The following IGF2BP1 variants were observed in gnomAD, a reference collection of about 807,000 sequenced individuals.
IGF2BP1 encodes the protein insulin like growth factor 2 mRNA binding protein 1.
Under a neutral mutation model 74.9 loss-of-function variants are expected in IGF2BP1, and 11 were observed. That is an observed-to-expected ratio of 0.15 (90% CI 0.09 to 0.24). IGF2BP1 has a LOEUF of 0.24. IGF2BP1 is among the 10% of genes least tolerant of loss of function. The pLI is 1.00. For missense variants in IGF2BP1, 440 were observed against 757.4 expected (o/e 0.58, Z 4.92); for synonymous variants, 287 against 281.8 (o/e 1.02, Z -0.18).
chr17:49,037,436 CA>C (rs764858804), intron 5 of IGF2BP1: 23 of 370,740 alleles, frequency 6.2e-5, no homozygotes, highest in Non-Finnish European at 1.1e-4. Context: ...AGCCTGTAGG[CA>C]AATATTCAAA....
chr17:49,016,955 C>A (rs1389203593), intron 2 of IGF2BP1, among the ~76,000 whole-genome samples: 1 of 151,330 alleles, frequency 6.6e-6, no homozygotes, highest in African/African-American at 2.4e-5. Flanking sequence ...CTGAAGCGTG[C>A]CAGGTCCGCC....
chr17:48,997,028 A>G (rs887059594), upstream of IGF2BP1, among the ~76,000 whole-genome samples: 2 of 152,058 alleles, frequency 1.3e-5, no homozygotes, highest in East Asian at 3.9e-4. The surrounding 1 kb of genome is among the most constrained non-coding windows in gnomAD (Gnocchi z 4.8). Context: ...AGGGGTGAGC[A>G]ACCCCGCCCC....
chr17:49,041,529 T>C, intron 8 of IGF2BP1, 29 bp downstream of exon 8: 1 of 1,613,618 alleles, frequency 6.2e-7, no homozygotes, highest in Non-Finnish European at 8.5e-7. Context: ...TCCCTGTTTA[T>C]GAGTGGGGGA....
intron 2 of IGF2BP1, among the ~76,000 whole-genome samples, chr17:49,020,585 T>C (rs1033879802): frequency 6.6e-6 from 1 of 151,982 alleles, no homozygotes; most frequent in Non-Finnish European, 1.5e-5. Flanking sequence ...TTTGATGACA[T>C]AAAAGGGACA....
chr17:49,040,961 T>C (rs2042045939), intron 7 of IGF2BP1, among the ~76,000 whole-genome samples: 1 of 152,226 alleles, frequency 6.6e-6, no homozygotes, highest in African/African-American at 2.4e-5. Context: ...CCCAGCACTT[T>C]GGAGGCTAGG....
intron 2 of IGF2BP1, among the ~76,000 whole-genome samples, 200 bp from the exon 3 acceptor site, chr17:49,025,418 C>G (rs942817608): frequency 6.7e-6 from 1 of 149,876 alleles, no homozygotes; most frequent in Non-Finnish European, 1.5e-5. Flanking sequence ...TGGTAGCATC[C>G]ATGATAATTT....
intron 2 of IGF2BP1, among the ~76,000 whole-genome samples, chr17:49,000,371 T>C (rs1403304831): frequency 6.6e-6 from 1 of 152,210 alleles, no homozygotes; most frequent in Non-Finnish European, 1.5e-5. Context: ...CTTAGCTTGA[T>C]ATTTAAGTAA....
chr17:49,011,161 A>C (rs961397632), intron 2 of IGF2BP1, among the ~76,000 whole-genome samples: 3 of 146,826 alleles, frequency 2.0e-5, no homozygotes, highest in African/African-American at 5.1e-5. Flanking sequence ...AAAAAAAAAA[A>C]AAAAAACAAA....
intron 3 of IGF2BP1, 36 bp from the exon 4 acceptor site, chr17:49,026,430 C>CA: frequency 6.2e-7 from 1 of 1,604,500 alleles, no homozygotes; most frequent in Non-Finnish European, 8.5e-7. Context: ...TCTTGGGACT[C>CA]AGAGTTAAGT....
chr17:49,009,950 T>C (rs2041596712), intron 2 of IGF2BP1, among the ~76,000 whole-genome samples: 1 of 151,264 alleles, frequency 6.6e-6, no homozygotes, highest in East Asian at 2.0e-4. Flanking sequence ...CGTGGTGGCG[T>C]GCGCCTGTAA....
In IGF2BP1 at chr17:49,041,471, A is replaced by C. The variant is rs1470236785; in HGVS notation, c.912A>C (p.Gln304His). The C allele has an allele frequency of 1.2e-6, 2 of 1,614,036 alleles. No homozygotes were observed. Among genetic ancestry groups the C allele is most frequent in the Non-Finnish European group, 1.7e-6 (2 of 1,180,032 alleles). ...GACGGAACCTGAAGAAGGTAGAGCA[A>C]GATACCGAGACAAAAATCACCATCT... The part of the protein sequence containing the change: ...KEGRNLKKVE[Q>H]DTETKITISS... Residue 304 changes from glutamine to histidine, a missense_variant, in exon 8 of 15, where the codon CAA (glutamine) becomes CAC (histidine). By Grantham distance (24) the Gln-to-His change is conservative. Transcript: ENST00000290341.
rs1218548010 is a variant in IGF2BP1, at chr17:49,019,943, TATATATTTATATAC to T, written c.237-5673_237-5660del. On this transcript the variant is annotated intron_variant, in intron 2 of 14. Coordinates refer to ENST00000290341, the MANE Select transcript of IGF2BP1 (RefSeq NM_006546.4). Reference sequence around the variant, plus strand: ...ATATATATATATATATATATATATATATATATTTATATACACACACACACACACACACATACACC... The same window carrying T: ...ATATATATATATATATATATATATATACACACACACACACACACATACACC... 3.7e-4 allele frequency among the ~76,000 whole-genome samples: 20 copies of T among 53,960 alleles called. 2 individuals carry two copies. Among genetic ancestry groups the T allele is most frequent in the African/African-American group, 2.1e-3 (20 of 9,748 alleles). The allele number at this position is 53,960 out of a possible 152,430, so 35.4% of individuals were successfully genotyped here.
Position 49,055,459 on chromosome 17 carries a change from C to A in IGF2BP1, c.*6015C>A. On this transcript the variant is annotated 3_prime_UTR_variant, in exon 15 of 15. Transcript: ENST00000290341. ...TCCCCCCTCCCCTGCCAATAAGCTC[C>A]CCCAGGAATAAAGGCTTTGTTTTGG... The A allele has an allele frequency of 2.6e-6, 1 of 378,926 alleles. No homozygotes were observed. The highest frequency in any genetic ancestry group is 4.7e-6 in the Non-Finnish European group (1 of 214,242). The allele number at this position is 378,926 out of a possible 1,614,324, so 23.5% of individuals were successfully genotyped here.
rs1491495832 is a variant in IGF2BP1, at chr17:49,038,874, A to ATCTTTTTTTTTTTTTTTTTTTT, written c.683+426_683+427insCTTTTTTTTTTTTTTTTTTTTT. On this transcript the variant is annotated intron_variant, in intron 6 of 14. Transcript: ENST00000290341. ...CTGCCACTGCCACCTTCTTTCTTTA[A>ATCTTTTTTTTTTTTTTTTTTTT]TATTTTTTTTTTTTTTTTTTTGAGA... 2.4e-4 allele frequency among the ~76,000 whole-genome samples: 18 copies of ATCTTTTTTTTTTTTTTTTTTTT among 75,282 alleles called. 2 individuals carry two copies. The highest frequency in any genetic ancestry group is 8.4e-4 in the African/African-American group (15 of 17,868). The allele number at this position is 75,282 out of a possible 152,430, so 49.4% of individuals were successfully genotyped here.
chr17:49,046,265 C>T lies in IGF2BP1; in HGVS notation c.1533C>T (p.Asn511=), dbSNP rs750302293. 1.5e-5 allele frequency: 24 copies of T among 1,613,534 alleles called. No homozygotes were observed. The highest frequency in any genetic ancestry group is 1.7e-5 in the Non-Finnish European group (20 of 1,179,580). Residue 511 remains asparagine, a synonymous_variant, in exon 14 of 15, where the codon AAC becomes AAT. Coordinates refer to ENST00000290341, the MANE Select transcript of IGF2BP1 (RefSeq NM_006546.4). The stretch of plus-strand genomic sequence containing the variant: ...TCCTCTCTGGCCACCCCCAGGTGAA[C>T]GAGTTGCAGAATTTGACGGCAGCTG... ...RVIGKGGKTV[N]ELQNLTAAEV... is the part of the protein sequence containing the mutation.
At chr17:49,041,632 C>T (rs1270990741) in intron 8 of IGF2BP1, 132 bp downstream of exon 8, 15 of 1,229,354 alleles carry the variant, frequency 1.2e-5, no homozygotes, top group Non-Finnish European at 1.7e-5. Context: ...GAAAAACAGT[C>T]GAAGTGGTAA....
At chr17:49,003,791 G>A in intron 2 of IGF2BP1, among the ~76,000 whole-genome samples, 1 of 126,224 alleles carries the variant, frequency 7.9e-6, no homozygotes, top group African/African-American at 2.9e-5. Context: ...AGGGGGGAGG[G>A]AGAGAGGGAG....
At chr17:48,999,203 G>T (rs370670699) in intron 2 of IGF2BP1, 34 bp downstream of exon 2, 3 of 537,032 alleles carry the variant, frequency 5.6e-6, no homozygotes, top group East Asian at 5.1e-5. Flanking sequence ...GGGGTGGGGG[G>T]GCCGCGGGGG....
At chr17:48,998,005 A>T in intron 1 of IGF2BP1, 85 bp downstream of exon 1, 1 of 1,464,590 alleles carries the variant, frequency 6.8e-7, no homozygotes, top group African/African-American at 1.4e-5. Context: ...TCTCCCGCCA[A>T]CTCCTCTCTT....
Sources: allele counts gnomAD v4.1 joint callset (sites outside exome capture counted in the v4.1 genomes callset), GRCh38; gene constraint gnomAD v4.1.1; non-coding constraint Gnocchi (gnomAD v3.1); transcripts MANE v1.5; gene names NCBI Gene and HGNC (gene_info 2026-07-23, HGNC 2026-07-21).